ERC1: variants seen among roughly 807,000 people sequenced by gnomAD.
The protein encoded by ERC1 is ELKS/RAB6-interacting/CAST family member 1, also known as RAB6 interacting protein 2.
In ERC1, 56 loss-of-function variants were observed where a neutral mutation model predicts 132.0. The observed-to-expected ratio is 0.42, with a 90% CI of 0.34 to 0.53. The LOEUF (loss-of-function observed/expected upper bound fraction) is 0.53. Among genes scored for constraint, ERC1 ranks in the 20% least tolerant of loss-of-function variants. ERC1 has a pLI of 0.03. For synonymous variants in ERC1, 478 were observed against 476.1 expected, an observed-to-expected ratio of 1.00 and a Z score of -0.05; for missense variants, 1,202 against 1,349.9, an observed-to-expected ratio of 0.89 and a Z score of 1.72.
intron 4 of ERC1, among the ~76,000 whole-genome samples, chr12:1,106,637 C>T (rs1021097117): frequency 7.9e-5 from 12 of 151,932 alleles, no homozygotes; most frequent in Non-Finnish European, 1.8e-4. Flanking sequence ...TGAGTATAAT[C>T]TTGTAAAGGG....
At chr12:1,358,325 CATT>C (rs2085740347) in intron 15 of ERC1, among the ~76,000 whole-genome samples, 1 of 150,242 alleles carries the variant, frequency 6.7e-6, no homozygotes, top group African/African-American at 2.5e-5. Context: ...TAATGATCAA[CATT>C]ATGAGTGCCT....
In ERC1 at chr12:1,003,119, CAAAAAA is replaced by C. The variant is rs34159893; in HGVS notation, c.-157+11803_-157+11808del. On this transcript the variant is annotated intron_variant, in intron 1 of 18. Coordinates refer to ENST00000360905, the MANE Select transcript of ERC1 (RefSeq NM_178040.4). ...TGCAAAAAAAAAAAAAAAAAAGACT[CAAAAAA>C]AAAAAGAGAAAAGAAATGTGTTAGG... Among the ~76,000 whole-genome samples, 5 of 84,824 alleles carry C rather than the reference CAAAAAA, an allele frequency of 5.9e-5. No individual in the cohort carries two copies. The East Asian group carries it at 1.2e-3, about 20-fold the overall frequency. The allele number at this position is 84,824 out of a possible 152,430, so 55.6% of individuals were successfully genotyped here.
At chr12:1,001,088 G>T (rs998839169) in intron 1 of ERC1, among the ~76,000 whole-genome samples, 2 of 152,146 alleles carry the variant, frequency 1.3e-5, no homozygotes, top group Non-Finnish European at 2.9e-5. Flanking sequence ...TTTTAGTAGA[G>T]ATGGAGTTTC....
intron 18 of ERC1, among the ~76,000 whole-genome samples, chr12:1,449,598 A>T (rs1189519781): frequency 6.6e-6 from 1 of 152,128 alleles, no homozygotes; most frequent in Non-Finnish European, 1.5e-5. Flanking sequence ...GCCATGCAGA[A>T]GTGTGAGTCA....
At chr12:1,112,352 T>C in intron 6 of ERC1, 54 bp downstream of exon 6, 1 of 1,287,756 alleles carries the variant, frequency 7.8e-7, no homozygotes, top group Non-Finnish European at 1.1e-6. Context: ...AGTGGGACCC[T>C]GCTAGCTCTA....
At chr12:1,350,801 G>A (rs1047527825) in intron 15 of ERC1, among the ~76,000 whole-genome samples, 1 of 152,096 alleles carries the variant, frequency 6.6e-6, no homozygotes, top group African/African-American at 2.4e-5. Context: ...GAAGTTCAAG[G>A]GCATGGCCCT....
chr12:1,401,116 T>C (rs988078143), intron 16 of ERC1, among the ~76,000 whole-genome samples: 1 of 150,470 alleles, frequency 6.6e-6, no homozygotes, highest in Non-Finnish European at 1.5e-5. Flanking sequence ...TTTGTATTTT[T>C]AGTAGAGACG....
At chr12:1,102,820 C>T (rs550359694) in intron 3 of ERC1, among the ~76,000 whole-genome samples, 182 of 152,234 alleles carry the variant, frequency 1.2e-3, no homozygotes, top group Non-Finnish European at 2.5e-3. Flanking sequence ...CACATGCGTT[C>T]TTTTTTGGCT....
chr12:1,303,934 CAA>C (rs773673622), intron 15 of ERC1, among the ~76,000 whole-genome samples: 6 of 129,402 alleles, frequency 4.6e-5, no homozygotes, highest in African/African-American at 9.7e-5. Flanking sequence ...GCCTGGGCAA[CAA>C]GAGCAAAACT....
At chr12:1,114,792 ATAAC>A (rs1380923617) in intron 6 of ERC1, among the ~76,000 whole-genome samples, 2 of 152,218 alleles carry the variant, frequency 1.3e-5, no homozygotes, top group African/African-American at 4.8e-5. Context: ...GAATGAATGA[ATAAC>A]TATATCTCTA....
intron 16 of ERC1, among the ~76,000 whole-genome samples, chr12:1,394,216 C>A (rs1024482119): frequency 6.6e-6 from 1 of 150,874 alleles, no homozygotes; most frequent in South Asian, 2.1e-4. Context: ...CTGGCTAACA[C>A]GGTGAAACCC....
At chr12:1,129,414 A>C (rs1471574623) in intron 7 of ERC1, among the ~76,000 whole-genome samples, 1 of 152,220 alleles carries the variant, frequency 6.6e-6, no homozygotes, top group African/African-American at 2.4e-5. Flanking sequence ...CTGGCTACTC[A>C]GAAGTCGAAG....
intron 7 of ERC1, among the ~76,000 whole-genome samples, chr12:1,124,789 C>T (rs955172202): frequency 6.6e-6 from 1 of 151,920 alleles, no homozygotes; most frequent in African/African-American, 2.4e-5. Flanking sequence ...TATAAGACAA[C>T]TCTAAACAAT....
At chr12:1,051,214 T>C (rs888750542) in intron 2 of ERC1, among the ~76,000 whole-genome samples, 1 of 152,118 alleles carries the variant, frequency 6.6e-6, no homozygotes, top group Non-Finnish European at 1.5e-5. Flanking sequence ...TCAGCCCCCA[T>C]CCCCCGATTT....
chr12:1,231,412 T>C (rs1269761347), intron 12 of ERC1, among the ~76,000 whole-genome samples: 1 of 152,230 alleles, frequency 6.6e-6, no homozygotes, highest in Non-Finnish European at 1.5e-5. Context: ...TTTTATACTT[T>C]TGTCTTTTAA....
chr12:1,271,203 A>T (rs1023859199), intron 14 of ERC1, among the ~76,000 whole-genome samples: 2 of 152,250 alleles, frequency 1.3e-5, no homozygotes, highest in African/African-American at 2.4e-5. Flanking sequence ...TTTAGGAGGT[A>T]TAGAAGCAAA....
chr12:1,478,767 C>T (rs903429423), intron 18 of ERC1, among the ~76,000 whole-genome samples: 4 of 147,676 alleles, frequency 2.7e-5, no homozygotes, highest in Non-Finnish European at 4.4e-5. Context: ...CCAGCCTGAG[C>T]GACAGAGTGA....
chr12:1,440,598 TTTTGTGTGTG>T (rs1565445081), intron 17 of ERC1, among the ~76,000 whole-genome samples: 7 of 106,572 alleles, frequency 6.6e-5, no homozygotes, highest in African/African-American at 1.7e-4. Context: ...TGCCTCAGCC[TTTTGTGTGTG>T]TGTGTGTGTG....
chr12:1,396,397 T>C (rs1233303098), intron 16 of ERC1, among the ~76,000 whole-genome samples: 1 of 152,128 alleles, frequency 6.6e-6, no homozygotes, highest in Non-Finnish European at 1.5e-5. Flanking sequence ...TCATGGAAAA[T>C]TGATTCTTGA....
Sources: allele counts gnomAD v4.1 joint callset (sites outside exome capture counted in the v4.1 genomes callset), GRCh38; gene constraint gnomAD v4.1.1; transcripts MANE v1.5; gene names NCBI Gene and HGNC (gene_info 2026-07-23, HGNC 2026-07-21).